The following RNF19B variants were observed in gnomAD, a reference collection of about 807,000 sequenced individuals.
RNF19B encodes the protein ring finger protein 19B.
Under a neutral mutation model 65.5 loss-of-function variants are expected in RNF19B, and 23 were observed. That is an observed-to-expected ratio of 0.35 (90% CI 0.25 to 0.50). The LOEUF (loss-of-function observed/expected upper bound fraction) is 0.50. Among genes scored for constraint, RNF19B ranks in the 20% least tolerant of loss-of-function variants. The pLI, the probability that RNF19B is intolerant of heterozygous loss-of-function variation, is 0.98. For synonymous variants in RNF19B, 372 were observed against 379.6 expected (o/e 0.98, Z 0.23); for missense variants, 794 against 980.0 (o/e 0.81, Z 2.53).
intron 3 of RNF19B, among the ~76,000 whole-genome samples, chr1:32,947,128 TC>T (rs1642384513): frequency 6.6e-6 from 1 of 152,218 alleles, no homozygotes; most frequent in Non-Finnish European, 1.5e-5. Flanking sequence ...CTTTGTGCTA[TC>T]TTCTCCACTA....
intron 7 of RNF19B, among the ~76,000 whole-genome samples, chr1:32,941,851 G>A (rs373985059): frequency 2.7e-4 from 41 of 151,134 alleles, no homozygotes; most frequent in Middle Eastern, 3.4e-3. Context: ...TAATCCCAAC[G>A]GTTTGGGAGG....
chr1:32,953,587 GA>G (rs1642562382), intron 1 of RNF19B, among the ~76,000 whole-genome samples: 1 of 151,990 alleles, frequency 6.6e-6, no homozygotes, highest in African/African-American at 2.4e-5. Flanking sequence ...ACTCTTTTCA[GA>G]AAGAACAAAG....
At chr1:32,935,870 CCT>C (rs549623904), downstream of RNF19B, among the ~76,000 whole-genome samples, 93 of 152,270 alleles carry the variant, frequency 6.1e-4, no homozygotes, top group African/African-American at 1.3e-3. Context: ...GCCACAGCCC[CCT>C]GAGTAGCTGG....
At chr1:32,952,552 C>T (rs140539872) in intron 1 of RNF19B, among the ~76,000 whole-genome samples, 5,247 of 150,388 alleles carry the variant, frequency 0.035, 285 homozygotes, top group African/African-American at 0.12. Flanking sequence ...ACCAGCCTGG[C>T]CAACATGGTG....
intron 1 of RNF19B, among the ~76,000 whole-genome samples, chr1:32,959,019 A>C (rs958304747): frequency 1.3e-5 from 2 of 152,158 alleles, no homozygotes; most frequent in African/African-American, 4.8e-5. Context: ...GAAGAGGTTC[A>C]GGGAGGCTTC....
intron 1 of RNF19B, among the ~76,000 whole-genome samples, chr1:32,953,221 G>A (rs1642553102): frequency 6.6e-6 from 1 of 151,320 alleles, no homozygotes; most frequent in Non-Finnish European, 1.5e-5. Context: ...CAACCCTCCC[G>A]CCTTAGCCTC....
chr1:32,939,795 TAA>T (rs2124112422), intron 7 of RNF19B, among the ~76,000 whole-genome samples: 1 of 152,324 alleles, frequency 6.6e-6, no homozygotes, highest in East Asian at 1.9e-4. Flanking sequence ...TCACTTCCTA[TAA>T]AATAAAGGCT....
intron 1 of RNF19B, among the ~76,000 whole-genome samples, chr1:32,963,619 G>A (rs988894069): frequency 5.3e-5 from 8 of 152,006 alleles, no homozygotes; most frequent in Admixed American, 1.3e-4. Context: ...TCGGGAGGCT[G>A]AGGCAGGAGA....
At chr1:32,937,388 T>A in intron 8 of RNF19B, 129 bp from the exon 9 acceptor site, 1 of 1,349,908 alleles carries the variant, frequency 7.4e-7, no homozygotes, top group South Asian at 1.2e-5. Flanking sequence ...AGCTCACTTT[T>A]AACAAAAATA....
In RNF19B at chr1:32,946,390, T is replaced by A; in HGVS notation, c.1146+12A>T. The A allele has an allele frequency of 6.2e-7, 1 of 1,612,342 alleles. No homozygotes were observed. The highest frequency in any genetic ancestry group is 1.3e-5 in the African/African-American group (1 of 74,992). On this transcript the variant is annotated intron_variant, in intron 4 of 8. Coordinates refer to ENST00000235150, the MANE Select transcript of RNF19B (RefSeq NM_001300826.2). Reference sequence around the variant, plus strand: ...GTTGAAACAAGCACAGAAACCAGCATGTCTTTCTTACCTTCCTTCCAACAT... The same window carrying A: ...GTTGAAACAAGCACAGAAACCAGCAAGTCTTTCTTACCTTCCTTCCAACAT...
At chr1:32,956,440 T>C (rs1057072629) in intron 1 of RNF19B, among the ~76,000 whole-genome samples, 1 of 151,782 alleles carries the variant, frequency 6.6e-6, no homozygotes, top group Admixed American at 6.6e-5. Context: ...TGGTGGCACA[T>C]GCCTGCAGTC....
chr1:32,942,283 T>G lies in RNF19B; in HGVS notation c.1579A>C (p.Ile527Leu), dbSNP rs1642253807. The G allele has an allele frequency of 6.2e-7, 1 of 1,612,104 alleles. No individual in the cohort carries two copies. Among genetic ancestry groups the G allele is most frequent in the African/African-American group, 1.3e-5 (1 of 74,920 alleles). ...ALSGGTLSGG[I>L]LSSGKGKYSR... ...TATTTTCCCTTGCCACTGGAGAGAA[T>G]GCCGCCACTCAGCGTGCCCCCTGAG... The change falls in exon 7 of 9, where the codon ATT becomes CTT. Residue 527 changes from isoleucine (I) to leucine (L), a missense_variant. Physicochemically the swap from Ile to Leu is conservative, Grantham distance 5 (BLOSUM62 2). Transcript: ENST00000235150.
intron 1 of RNF19B, among the ~76,000 whole-genome samples, chr1:32,950,726 G>C (rs1471981011): frequency 6.6e-6 from 1 of 151,866 alleles, no homozygotes; most frequent in Non-Finnish European, 1.5e-5. Flanking sequence ...GCATAGAGAT[G>C]GGGTTTCGCC....
chr1:32,963,942 C>T, intron 1 of RNF19B, 109 bp downstream of exon 1: 3 of 1,347,490 alleles, frequency 2.2e-6, no homozygotes, highest in Non-Finnish European at 2.8e-6. Context: ...GCCGAAGCTG[C>T]CGCCTTGCGG....
chr1:32,945,516 A>G lies in RNF19B; in HGVS notation c.1259T>C (p.Val420Ala). ...AGGTGTGGTCCTGACTAGCTTACCA[A>G]CACTAACTGCAGCAATAACTGGGGA... Reference protein sequence around the residue: ...IASPVIAAVSVGIGVPIMLAY... With the variant: ...IASPVIAAVSAGIGVPIMLAY... The change falls in exon 5 of 9, where the codon GTT (valine) becomes GCT (alanine). Residue 420 changes from valine to alanine, a missense_variant and splice_region_variant. Transcript: ENST00000235150. 3 of 1,599,938 alleles carry G rather than the reference A, an allele frequency of 1.9e-6. No homozygotes were observed. Among genetic ancestry groups the G allele is most frequent in the Non-Finnish European group, 2.6e-6 (3 of 1,167,064 alleles).
At chr1:32,959,442 G>C (rs527951672) in intron 1 of RNF19B, among the ~76,000 whole-genome samples, 1 of 152,188 alleles carries the variant, frequency 6.6e-6, no homozygotes, top group South Asian at 2.1e-4. Context: ...ACCTGACTTC[G>C]GGGTTTCTGA....
chr1:32,935,503 T>G (rs1642082558), downstream of RNF19B, among the ~76,000 whole-genome samples: 1 of 152,136 alleles, frequency 6.6e-6, no homozygotes, highest in African/African-American at 2.4e-5. Flanking sequence ...TTTGACAAAT[T>G]TGTAAGATCA....
Position 32,936,941 on chromosome 1 carries a change from G to A in RNF19B, c.2061C>T (p.Pro687=). ...AGGGGCAGGCTGCAGTATGGGAGCG[G>A]GGGGAGCCACACTCATCTGAGGTGA... is the stretch of plus-strand genomic sequence containing the variant. ...PDITSDECGS[P]RSHTAACPST... Residue 687 remains proline, a synonymous_variant, in exon 9 of 9, where the codon CCC becomes CCT. Transcript: ENST00000235150. 6.2e-7 allele frequency: 1 copy of A among 1,613,952 alleles called. No homozygotes were observed. The highest frequency in any genetic ancestry group is 8.5e-7 in the Non-Finnish European group (1 of 1,179,996).
intron 7 of RNF19B, among the ~76,000 whole-genome samples, chr1:32,941,526 C>G (rs980373122): frequency 1.1e-4 from 16 of 151,370 alleles, no homozygotes; most frequent in Non-Finnish European, 1.9e-4. Context: ...GGCGACAGAG[C>G]AAGACTCCGT....
Sources: gnomAD v4.1 joint callset for allele counts (sites outside exome capture counted in the v4.1 genomes callset) on GRCh38, gnomAD v4.1.1 for gene constraint, MANE v1.5 for transcripts, NCBI Gene and HGNC (gene_info 2026-07-23, HGNC 2026-07-21) for gene names.